Variants in KCNAB1 observed in about 807,000 individuals in gnomAD.
KCNAB1 encodes potassium voltage-gated channel subfamily A regulatory beta subunit 1, also known as voltage-gated potassium channel subunit beta-1.
Under a neutral mutation model 64.6 loss-of-function variants are expected in KCNAB1, and 35 were observed. That is an observed-to-expected ratio of 0.54 (90% CI 0.41 to 0.72). The LOEUF (loss-of-function observed/expected upper bound fraction) is 0.72. Ranked by LOEUF, KCNAB1 falls within the 30% of genes least tolerant of loss-of-function variation. KCNAB1 has a pLI of 0.00. For synonymous variants in KCNAB1, 177 were observed against 183.8 expected (o/e 0.96, Z 0.30); for missense variants, 401 against 512.9 (o/e 0.78, Z 2.11).
At position 156,291,535 on chromosome 3, in the gene KCNAB1, A is replaced by C. The variant is rs993304203; in HGVS notation, c.276-130081A>C. 2.7e-6 allele frequency: 3 copies of C among 1,101,720 alleles called. No homozygotes were observed. The African/African-American group carries it at 4.9e-5, about 18-fold the overall frequency. The allele number at this position is 1,101,720 out of a possible 1,614,324, so 68.2% of individuals were successfully genotyped here. A position where few individuals can be genotyped will look rare whatever the true frequency, so the allele number is the denominator to read the frequency against. ...ACCGGCTCCGCGAAGGGCTGCGTGC[A>C]GTCACCATGAATGCTCAGCTCTAGG... On this transcript the variant is annotated intron_variant, in intron 1 of 13. Coordinates refer to ENST00000490337, the MANE Select transcript of KCNAB1 (RefSeq NM_172160.3).
At chr3:156,462,257 G>A (rs759148211) in intron 5 of KCNAB1, among the ~76,000 whole-genome samples, 3 of 152,182 alleles carry the variant, frequency 2.0e-5, no homozygotes, top group Non-Finnish European at 4.4e-5. Context: ...TATCCATATA[G>A]GCCAAATGTT....
intron 1 of KCNAB1, among the ~76,000 whole-genome samples, chr3:156,233,960 A>G (rs546068337): frequency 6.6e-6 from 1 of 152,022 alleles, no homozygotes; most frequent in East Asian, 1.9e-4. Context: ...TTATACACCC[A>G]AGCAGAGACA....
Position 156,531,389 on chromosome 3 carries a change from C to T in KCNAB1, c.1082-20C>T, listed in dbSNP as rs1173153936. On this transcript the variant is annotated intron_variant, in intron 12 of 13. Transcript: ENST00000490337. ...ATTGGAAGTGCTTTGATAAACTGAC[C>T]CAGTGTCCTCTCCTCCCAGCGTGGT... 7 of 1,579,000 alleles carry T rather than the reference C, an allele frequency of 4.4e-6. No homozygotes were observed. The highest frequency in any genetic ancestry group is 1.1e-5 in the South Asian group (1 of 90,334).
chr3:156,143,569 G>GTTGTTT (rs1443482013), intron 1 of KCNAB1: 5 of 281,598 alleles, frequency 1.8e-5, no homozygotes, highest in African/African-American at 1.5e-4. Context: ...TTGCATTCTT[G>GTTGTTT]TTTTTTTTTT....
intron 12 of KCNAB1, among the ~76,000 whole-genome samples, chr3:156,526,157 T>TG (rs1718294070): frequency 6.6e-6 from 1 of 152,182 alleles, no homozygotes; most frequent in Non-Finnish European, 1.5e-5. Context: ...TACAGTAACA[T>TG]GCTGTACAGA....
At chr3:156,493,598 A>G (rs756919971) in intron 8 of KCNAB1, among the ~76,000 whole-genome samples, 2 of 152,150 alleles carry the variant, frequency 1.3e-5, no homozygotes, top group Admixed American at 6.6e-5. Context: ...ATAATATTAT[A>G]TAATCTGAGT....
At chr3:156,294,453 G>C (rs1720656467) in intron 1 of KCNAB1, among the ~76,000 whole-genome samples, 1 of 152,072 alleles carries the variant, frequency 6.6e-6, no homozygotes, top group Admixed American at 6.6e-5. Context: ...ATGAGATTAT[G>C]CCAAATGTAC....
intron 8 of KCNAB1, among the ~76,000 whole-genome samples, chr3:156,501,675 A>AC (rs371146846): frequency 3.3e-5 from 5 of 151,232 alleles, no homozygotes; most frequent in Middle Eastern, 3.4e-3. Flanking sequence ...CAGGTGATCC[A>AC]CCCCCCTCAG....
intron 1 of KCNAB1, among the ~76,000 whole-genome samples, chr3:156,395,919 G>C (rs1713432544): frequency 6.6e-6 from 1 of 152,184 alleles, no homozygotes; most frequent in South Asian, 2.1e-4. Flanking sequence ...ACCGTGTGTA[G>C]AAAATACCTA....
intron 1 of KCNAB1, among the ~76,000 whole-genome samples, chr3:156,371,463 G>A (rs1390900127): frequency 6.6e-6 from 1 of 152,166 alleles, no homozygotes; most frequent in Non-Finnish European, 1.5e-5. Flanking sequence ...GAGCAGGCCA[G>A]TGCATCATTT....
At chr3:156,191,047 T>G (rs1347004577) in intron 1 of KCNAB1, among the ~76,000 whole-genome samples, 1 of 152,220 alleles carries the variant, frequency 6.6e-6, no homozygotes, top group African/African-American at 2.4e-5. Flanking sequence ...TCCTCCAAAA[T>G]GCAGGAGCAG....
At chr3:156,401,998 C>T (rs1300831241) in intron 1 of KCNAB1, among the ~76,000 whole-genome samples, 2 of 151,398 alleles carry the variant, frequency 1.3e-5, no homozygotes, top group East Asian at 3.9e-4. Context: ...TGGGTCCTGT[C>T]GGGGACTGGG....
intron 1 of KCNAB1, among the ~76,000 whole-genome samples, chr3:156,144,228 C>T (rs894197113): frequency 6.6e-6 from 1 of 152,112 alleles, no homozygotes; most frequent in Non-Finnish European, 1.5e-5. Flanking sequence ...AACAATTTAG[C>T]AATTGTAAGA....
In KCNAB1 at chr3:156,147,829, A is replaced by G. The variant is rs1331968644; in HGVS notation, c.275+26943A>G. 2.6e-5 allele frequency among the ~76,000 whole-genome samples: 4 copies of G among 152,076 alleles called. No individual in the cohort carries two copies. In the East Asian group the frequency reaches 7.7e-4, roughly 29 times the overall value. ...CTAGCATGAGGTTGCACTTCTAGCT[A>G]GCAACAAAACTAGGACTAGAACCCC... On this transcript the variant is annotated intron_variant, in intron 1 of 13. Coordinates refer to ENST00000490337, the MANE Select transcript of KCNAB1 (RefSeq NM_172160.3).
At chr3:156,504,143 G>A (rs143553801) in intron 8 of KCNAB1, among the ~76,000 whole-genome samples, 208 of 152,184 alleles carry the variant, frequency 1.4e-3, no homozygotes, top group Non-Finnish European at 2.2e-3. Context: ...TTCCACATAT[G>A]AGTGAGATAA....
chr3:156,447,785 A>G (rs1448375499), intron 2 of KCNAB1, among the ~76,000 whole-genome samples: 2 of 152,326 alleles, frequency 1.3e-5, no homozygotes, highest in East Asian at 3.9e-4. Context: ...AAAGACAATG[A>G]AATTCCAAAA....
chr3:156,307,366 C>CT (rs34577217), intron 1 of KCNAB1, among the ~76,000 whole-genome samples: 14,353 of 148,256 alleles, frequency 0.097, 2,105 homozygotes, highest in African/African-American at 0.32. Context: ...TTCTTTTCAT[C>CT]TTTTTTTTTT....
At chr3:156,505,338 A>G (rs940314967) in intron 8 of KCNAB1, among the ~76,000 whole-genome samples, 2 of 152,126 alleles carry the variant, frequency 1.3e-5, no homozygotes, top group African/African-American at 4.8e-5. Context: ...GTAGTATGAT[A>G]TCTCCAGCTT....
intron 1 of KCNAB1, among the ~76,000 whole-genome samples, chr3:156,389,368 C>G (rs1229378085): frequency 6.6e-6 from 1 of 152,200 alleles, no homozygotes; most frequent in Non-Finnish European, 1.5e-5. Flanking sequence ...CCTTGGCTGT[C>G]CTACTCTCAC....
Sources: gnomAD v4.1 joint callset for allele counts (sites outside exome capture counted in the v4.1 genomes callset) on GRCh38, gnomAD v4.1.1 for gene constraint, MANE v1.5 for transcripts, NCBI Gene and HGNC (gene_info 2026-07-23, HGNC 2026-07-21) for gene names.